CSF1R: variants seen among roughly 807,000 people sequenced by gnomAD.
CSF1R encodes colony stimulating factor 1 receptor, also known as macrophage colony-stimulating factor 1 receptor.
CSF1R carries 40 observed loss-of-function variants against 110.0 expected under a neutral mutation model. That is an observed-to-expected ratio of 0.36 (90% CI 0.28 to 0.47). The LOEUF is 0.47. Among genes scored for constraint, CSF1R ranks in the 20% least tolerant of loss-of-function variants. The pLI, the probability that CSF1R is intolerant of heterozygous loss-of-function variation, is 0.99. For synonymous variants in CSF1R, 523 were observed against 503.4 expected (o/e 1.04, Z -0.52); for missense variants, 1,052 against 1,253.0 (o/e 0.84, Z 2.42).
At chr5:150,077,804 A>T (rs1335619739) in intron 4 of CSF1R, among the ~76,000 whole-genome samples, 1 of 152,200 alleles carries the variant, frequency 6.6e-6, no homozygotes, top group Non-Finnish European at 1.5e-5. Flanking sequence ...ACCCTTGCTA[A>T]ATCAGAAGTG....
At chr5:150,099,199 T>A (rs192247249) in intron 1 of CSF1R, among the ~76,000 whole-genome samples, 1 of 151,930 alleles carries the variant, frequency 6.6e-6, no homozygotes, top group Non-Finnish European at 1.5e-5. Flanking sequence ...TGAGCCACCG[T>A]GCCTGGCCAC....
rs538085132 is a variant in CSF1R at position 150,107,978 on chromosome 5, T to C, written c.-181+5283A>G. On this transcript the variant is annotated intron_variant, in intron 1 of 21. Coordinates refer to the CSF1R transcript ENST00000286301. ...AGAGCCAGGAGAGGAACCAGGCCAC[T>C]GGGGGAGTTGCAAGATGTCCTGGGA... 2.6e-5 allele frequency among the ~76,000 whole-genome samples: 4 copies of C among 152,200 alleles called. No homozygotes were observed. The East Asian group carries it at 7.7e-4, about 29-fold the overall frequency.
At position 150,080,321 on chromosome 5, in the gene CSF1R, C is replaced by G; in HGVS notation, c.323G>C (p.Trp108Ser). The change falls in exon 3 of 21, where the codon TGG (tryptophan) becomes TCG (serine). Residue 108 changes from tryptophan to serine, a missense_variant. Coordinates refer to ENST00000675795, the MANE Select transcript of CSF1R (RefSeq NM_001288705.3). Reference protein sequence around the residue: ...HLYVKDPARPWNVLAQEVVVF... With the variant: ...HLYVKDPARPSNVLAQEVVVF... Reference sequence around the variant, plus strand: ...GACCACCTCCTGTGCTAGCACGTTCCAGGGCCGGGCAGGGTCTAGAGTAGA... The same window carrying G: ...GACCACCTCCTGTGCTAGCACGTTCGAGGGCCGGGCAGGGTCTAGAGTAGA... The G allele has an allele frequency of 6.2e-7, 1 of 1,613,310 alleles. No homozygotes were observed. Among genetic ancestry groups the G allele is most frequent in the Non-Finnish European group, 8.5e-7 (1 of 1,179,862 alleles).
At chr5:150,081,122 G>A in intron 1 of CSF1R, 98 bp from the exon 2 acceptor site, 2 of 1,412,914 alleles carry the variant, frequency 1.4e-6, no homozygotes, top group Non-Finnish European at 1.9e-6. Context: ...CAGGGATGGT[G>A]CTGTGCCATC....
intron 5 of CSF1R, 135 bp downstream of exon 5, chr5:150,077,141 G>T: frequency 1.7e-6 from 2 of 1,163,272 alleles, no homozygotes; most frequent in Non-Finnish European, 2.5e-6. Flanking sequence ...CCTTAGCCAG[G>T]CCTTGGATAA....
intron 3 of CSF1R, among the ~76,000 whole-genome samples, chr5:150,079,272 G>T (rs557481337): frequency 2.6e-5 from 4 of 152,296 alleles, no homozygotes; most frequent in Admixed American, 2.6e-4. Flanking sequence ...CCCTGGGCAG[G>T]TTTAGTGGCT....
chr5:150,073,189 C>T (rs1259930571), intron 6 of CSF1R, 112 bp downstream of exon 6: 6 of 1,044,742 alleles, frequency 5.7e-6, no homozygotes, highest in Non-Finnish European at 4.2e-6. Flanking sequence ...GGGGCAGGGA[C>T]TTGCTCAAGG....
Position 150,080,353 on chromosome 5 carries a change from C to T in CSF1R, c.308-17G>A. ...GGGCAGGGTCTAGAGTAGAGGAGGG[C>T]ACAGGGTTACAACTGCCCTCCCTCC... On this transcript the variant is annotated splice_polypyrimidine_tract_variant and intron_variant, in intron 2 of 20. Transcript: ENST00000675795. 1.2e-6 allele frequency: 2 copies of T among 1,607,412 alleles called. No individual in the cohort carries two copies. Among genetic ancestry groups the T allele is most frequent in the Non-Finnish European group, 1.7e-6 (2 of 1,176,020 alleles).
At chr5:150,085,277 G>GGAAAAAAAAAAAAAAAAA (rs1758786208) in intron 1 of CSF1R, among the ~76,000 whole-genome samples, 7 of 92,466 alleles carry the variant, frequency 7.6e-5, no homozygotes, top group Middle Eastern at 6.0e-3. Flanking sequence ...TCTGTCTCAG[G>GGAAAAAAAAAAAAAAAAA]AAAAAAAAAA....
chr5:150,061,160 G>GAGA (rs1561912768), intron 12 of CSF1R, among the ~76,000 whole-genome samples, 188 bp from the exon 13 acceptor site: 1 of 151,268 alleles, frequency 6.6e-6, no homozygotes, highest in East Asian at 1.9e-4. Flanking sequence ...AGAGAGAGAG[G>GAGA]AGGGATGAGC....
At chr5:150,077,178 C>G in intron 5 of CSF1R, 98 bp downstream of exon 5, 2 of 1,476,898 alleles carry the variant, frequency 1.4e-6, no homozygotes, top group Non-Finnish European at 1.9e-6. Flanking sequence ...ATATCCTCAG[C>G]AGGTCTCCTT....
intron 1 of CSF1R, among the ~76,000 whole-genome samples, chr5:150,097,646 T>C (rs1759271881): frequency 1.3e-5 from 2 of 152,292 alleles, no homozygotes; most frequent in South Asian, 4.1e-4. Context: ...TTACAAATAC[T>C]ATTTACAATA....
chr5:150,099,067 T>C (rs1759315879), intron 1 of CSF1R, among the ~76,000 whole-genome samples: 1 of 149,896 alleles, frequency 6.7e-6, no homozygotes, highest in Admixed American at 6.6e-5. Context: ...CTAATTTTTT[T>C]TTTTTTTTTT....
Position 150,073,393 on chromosome 5 carries a change from GC to G in CSF1R, c.989del (p.Gly330AlafsTer42). 6.2e-7 allele frequency: 1 copy of G among 1,614,120 alleles called. No individual in the cohort carries two copies. Among genetic ancestry groups the G allele is most frequent in the Non-Finnish European group, 8.5e-7 (1 of 1,180,010 alleles). The part of the protein sequence containing the change: ...NLKVMVEAYP[G>X]LQGFNWTYLG... ...GGTAGGTCCAGTTAAAACCTTGCAGGCCTGGGTAGGCCTCCACCATGACTTT... is the reference window on the plus strand; with the variant it reads ...GGTAGGTCCAGTTAAAACCTTGCAGGCTGGGTAGGCCTCCACCATGACTTT... On this transcript the variant is annotated frameshift_variant, in exon 6 of 21. Coordinates refer to ENST00000675795, the MANE Select transcript of CSF1R (RefSeq NM_001288705.3). LOFTEE classifies it high-confidence loss of function.
intron 1 of CSF1R, among the ~76,000 whole-genome samples, chr5:150,111,842 G>A (rs533254080): frequency 2.3e-4 from 35 of 152,306 alleles, no homozygotes; most frequent in African/African-American, 8.4e-4. Context: ...TATGCCAATG[G>A]GAAAAGTTAA....
intron 10 of CSF1R, among the ~76,000 whole-genome samples, chr5:150,065,081 G>A (rs578048609): frequency 6.6e-6 from 1 of 152,324 alleles, no homozygotes; most frequent in Admixed American, 6.5e-5. Flanking sequence ...GATGCTTGAA[G>A]CACATCACCC....
intron 5 of CSF1R, among the ~76,000 whole-genome samples, chr5:150,074,096 G>C (rs566827295): frequency 2.0e-5 from 3 of 152,166 alleles, no homozygotes. Flanking sequence ...ACTACAAGGC[G>C]GATAGTCGGA....
chr5:150,084,410 G>GGAAA (rs1758730391), intron 1 of CSF1R, among the ~76,000 whole-genome samples: 1 of 45,894 alleles, frequency 2.2e-5, no homozygotes, highest in Non-Finnish European at 4.0e-5. Flanking sequence ...AAGGAAGGAA[G>GGAAA]GAAGGAAGGA....
intron 10 of CSF1R, among the ~76,000 whole-genome samples, chr5:150,065,176 T>C (rs1474049336): frequency 6.6e-6 from 1 of 152,176 alleles, no homozygotes; most frequent in Non-Finnish European, 1.5e-5. Context: ...AAAGGGGGCA[T>C]GGAGACAAAG....
Sources: gnomAD v4.1 joint callset for allele counts (sites outside exome capture counted in the v4.1 genomes callset) on GRCh38, gnomAD v4.1.1 for gene constraint, MANE v1.5 for transcripts, NCBI Gene and HGNC (gene_info 2026-07-23, HGNC 2026-07-21) for gene names.